CHN1: variants seen among roughly 807,000 people sequenced by gnomAD.
The protein encoded by CHN1 is N-chimaerin.
CHN1 carries 37 observed loss-of-function variants against 59.5 expected under a neutral mutation model. The ratio of observed to expected loss-of-function variants is 0.62; its 90% CI spans 0.48 to 0.82. The LOEUF is 0.82. CHN1 is among the 40% of genes least tolerant of loss of function. The probability of loss-of-function intolerance (pLI) is 0.00; values close to 1 mark genes in which losing one functional copy is unlikely to be tolerated. For synonymous variants in CHN1, 206 were observed against 200.4 expected, an observed-to-expected ratio of 1.03 and a Z score of -0.24; for missense variants, 469 against 571.0, an observed-to-expected ratio of 0.82 and a Z score of 1.82.
chr2:174,834,418 G>T (rs1685997966), intron 7 of CHN1, among the ~76,000 whole-genome samples: 1 of 152,046 alleles, frequency 6.6e-6, no homozygotes, highest in African/African-American at 2.4e-5. Flanking sequence ...TTCTTAAAAA[G>T]TTACTGTAAT....
intron 1 of CHN1, among the ~76,000 whole-genome samples, chr2:174,974,831 T>C (rs918472231): frequency 4.6e-5 from 7 of 151,302 alleles, no homozygotes; most frequent in Non-Finnish European, 7.4e-5. Flanking sequence ...AAAACTTGAG[T>C]TCTCAGTATA....
In CHN1 at chr2:175,001,911, T is replaced by A. The variant is rs536557646; in HGVS notation, c.19+2983A>T. ...ATTCAAGGATCTGAGACTTTCCTTT[T>A]ATCCCAGTAATTACTAGAAAACATG... On this transcript the variant is annotated intron_variant, in intron 1 of 12. Coordinates refer to ENST00000409900, the MANE Select transcript of CHN1 (RefSeq NM_001822.7). Among the ~76,000 whole-genome samples, 6 of 152,374 alleles carry A rather than the reference T, an allele frequency of 3.9e-5. No homozygotes were observed. The East Asian group carries it at 1.2e-3, about 29-fold the overall frequency.
intron 1 of CHN1, among the ~76,000 whole-genome samples, chr2:174,976,418 T>C (rs897576868): frequency 6.6e-6 from 1 of 151,944 alleles, no homozygotes; most frequent in African/African-American, 2.4e-5. Context: ...TTTCTATTTT[T>C]AGTACAGACG....
At chr2:174,979,858 C>T (rs565110050) in intron 1 of CHN1, among the ~76,000 whole-genome samples, 42 of 151,754 alleles carry the variant, frequency 2.8e-4, no homozygotes, top group Middle Eastern at 3.4e-3. Flanking sequence ...TCCAGCCTGG[C>T]GAAAGAACAA....
At chr2:174,919,307 A>C (rs1171057412) in intron 3 of CHN1, among the ~76,000 whole-genome samples, 1 of 152,346 alleles carries the variant, frequency 6.6e-6, no homozygotes, top group East Asian at 1.9e-4. Context: ...ACAAAAGGGA[A>C]GACTAGTGAG....
intron 6 of CHN1, among the ~76,000 whole-genome samples, chr2:174,874,864 T>A (rs1427115815): frequency 1.5e-5 from 2 of 136,108 alleles, no homozygotes; most frequent in African/African-American, 5.4e-5. Flanking sequence ...ATTTATTTTT[T>A]ATTTATTCTT....
At chr2:174,990,191 T>C (rs1242224072) in intron 1 of CHN1, among the ~76,000 whole-genome samples, 1 of 151,322 alleles carries the variant, frequency 6.6e-6, no homozygotes, top group Non-Finnish European at 1.5e-5. Context: ...GCTCCTGACA[T>C]TGGCAGACTT....
chr2:174,982,719 T>A (rs1691197357), intron 1 of CHN1, among the ~76,000 whole-genome samples: 5 of 152,194 alleles, frequency 3.3e-5, no homozygotes, highest in Admixed American at 3.3e-4. Flanking sequence ...TAGGATGCTG[T>A]GGGTCACTTT....
At position 174,814,799 on chromosome 2, in the gene CHN1, G is replaced by A. The variant is rs548624869; in HGVS notation, c.713-2317C>T. 3.9e-5 allele frequency among the ~76,000 whole-genome samples: 6 copies of A among 152,308 alleles called. No individual in the cohort carries two copies. In the East Asian group the frequency reaches 1.2e-3, roughly 29 times the overall value. On this transcript the variant is annotated intron_variant, in intron 8 of 12. Transcript: ENST00000409900. ...GCTAAAAATTTCATATTTGTCAGATGTGGAGGCCAGGTCCCGAAAAGGAAT... is the reference window on the plus strand; with the variant it reads ...GCTAAAAATTTCATATTTGTCAGATATGGAGGCCAGGTCCCGAAAAGGAAT...
chr2:174,850,979 G>A (rs1294819517), intron 6 of CHN1, among the ~76,000 whole-genome samples: 4 of 152,166 alleles, frequency 2.6e-5, no homozygotes, highest in African/African-American at 9.7e-5. Flanking sequence ...GGGGCTCACA[G>A]AGTGAGTTGC....
chr2:174,980,176 C>T (rs538899809), intron 1 of CHN1, among the ~76,000 whole-genome samples: 2 of 152,114 alleles, frequency 1.3e-5, no homozygotes, highest in Non-Finnish European at 2.9e-5. Flanking sequence ...TTAATACTGA[C>T]CAACACACCC....
chr2:174,971,571 C>A (rs921605570), intron 1 of CHN1, among the ~76,000 whole-genome samples: 1 of 152,196 alleles, frequency 6.6e-6, no homozygotes, highest in African/African-American at 2.4e-5. Flanking sequence ...TTATGTTGCA[C>A]TGAACACTTA....
intron 1 of CHN1, among the ~76,000 whole-genome samples, chr2:174,983,250 C>T (rs1015256756): frequency 6.6e-6 from 1 of 152,036 alleles, no homozygotes; most frequent in Admixed American, 6.5e-5. Flanking sequence ...TACACTTATG[C>T]ATTGTATATT....
At chr2:174,985,376 T>C (rs1412905969) in intron 1 of CHN1, among the ~76,000 whole-genome samples, 1 of 152,186 alleles carries the variant, frequency 6.6e-6, no homozygotes, top group Non-Finnish European at 1.5e-5. Flanking sequence ...ATTAACACTG[T>C]GATTGGGTAG....
In CHN1 at chr2:174,821,091, C is replaced by A. The variant is rs190497929; in HGVS notation, c.712+3343G>T. The stretch of plus-strand genomic sequence containing the variant: ...CATTAGTTTACAATTGCTGCTATAA[C>A]AAATTATTAATACCACAAACTCCTG... On this transcript the variant is annotated intron_variant, in intron 8 of 12. Coordinates refer to ENST00000409900, the MANE Select transcript of CHN1 (RefSeq NM_001822.7). Among the ~76,000 whole-genome samples, 944 of 152,264 alleles carry A rather than the reference C, an allele frequency of 6.2e-3. 3 individuals carry two copies. The highest frequency in any genetic ancestry group is 0.031 in the Middle Eastern group (9 of 294).
chr2:174,872,460 T>C (rs187551045), intron 6 of CHN1, among the ~76,000 whole-genome samples: 7 of 152,268 alleles, frequency 4.6e-5, no homozygotes, highest in African/African-American at 7.2e-5. Context: ...CTGAGAGGCA[T>C]AGAAGCAGAA....
intron 11 of CHN1, among the ~76,000 whole-genome samples, chr2:174,802,399 A>G (rs1331959643): frequency 6.6e-6 from 1 of 152,246 alleles, no homozygotes; most frequent in Non-Finnish European, 1.5e-5. Context: ...ATATAAAAAA[A>G]TCAAATCTAC....
At position 175,005,322 on chromosome 2, in the gene CHN1, G is replaced by C; in HGVS notation, c.-410C>G. On this transcript the variant is annotated 5_prime_UTR_variant, in exon 1 of 13. Coordinates refer to ENST00000409900, the MANE Select transcript of CHN1 (RefSeq NM_001822.7). ...AGCAGCCTCGCACAGCCCCCGGCGGGGCGCGCTCACTCCGCATCCCGCGGC... is the reference window on the plus strand; with the variant it reads ...AGCAGCCTCGCACAGCCCCCGGCGGCGCGCGCTCACTCCGCATCCCGCGGC... 1 of 1,179,398 alleles carries C rather than the reference G, an allele frequency of 8.5e-7. No individual in the cohort carries two copies. The highest frequency in any genetic ancestry group is 6.6e-5 in the East Asian group (1 of 15,260). 73.1% of individuals were successfully genotyped at this position (1,179,398 alleles called of 1,614,324 possible).
Position 174,952,425 on chromosome 2 carries a change from C to T in CHN1, c.20-223G>A, listed in dbSNP as rs553185265. Among the ~76,000 whole-genome samples the T allele has an allele frequency of 5.9e-5, 9 of 152,116 alleles. No individual in the cohort carries two copies. The East Asian group carries it at 1.7e-3, about 29-fold the overall frequency. The stretch of plus-strand genomic sequence containing the variant: ...TAAAGTTACTGTATTTATTCAATTG[C>T]TAATTACATAAAAACATCAAGGTTA... On this transcript the variant is annotated intron_variant, in intron 1 of 12. Coordinates refer to ENST00000409900, the MANE Select transcript of CHN1 (RefSeq NM_001822.7).
Sources: gnomAD v4.1 joint callset for allele counts (sites outside exome capture counted in the v4.1 genomes callset) on GRCh38, gnomAD v4.1.1 for gene constraint, MANE v1.5 for transcripts, NCBI Gene and HGNC (gene_info 2026-07-23, HGNC 2026-07-21) for gene names.